Variants in NEK1 observed in about 807,000 individuals in gnomAD.
The protein encoded by NEK1 is NIMA related kinase 1, also known as serine/threonine-protein kinase Nek1.
Under a neutral mutation model 182.1 loss-of-function variants are expected in NEK1, and 137 were observed. The ratio of observed to expected loss-of-function variants is 0.75; its 90% CI spans 0.65 to 0.87. The LOEUF is 0.87. Ranked by LOEUF, NEK1 falls within the 40% of genes least tolerant of loss-of-function variation. NEK1 has a pLI of 0.00. For synonymous variants in NEK1, 513 were observed against 492.2 expected (o/e 1.04, Z -0.56); for missense variants, 1,391 against 1,494.4 (o/e 0.93, Z 1.14).
chr4:169,477,527 G>A (rs1187908988), intron 24 of NEK1, 30 bp from the exon 25 acceptor site: 2 of 1,498,028 alleles, frequency 1.3e-6, no homozygotes, highest in South Asian at 1.3e-5. Flanking sequence ...CAGAGGAAGA[G>A]ATAATTTTAT....
Position 169,507,792 on chromosome 4 carries a change from T to C in NEK1, c.1834A>G (p.Lys612Glu). 1 of 1,611,364 alleles carries C rather than the reference T, an allele frequency of 6.2e-7. No individual in the cohort carries two copies. Among genetic ancestry groups the C allele is most frequent in the Non-Finnish European group, 8.5e-7 (1 of 1,178,054 alleles). The change falls in exon 22 of 36, where the codon AAA becomes GAA. Residue 612 changes from lysine to glutamate, a missense_variant and splice_region_variant. Coordinates refer to ENST00000507142, the MANE Select transcript of NEK1 (RefSeq NM_001199397.3). The part of the protein sequence containing the change: ...QIKAKLRGEK[K>E]EANHSEGQEG... ...TGTCCTTCAGAATGATTAGCTTCTT[T>C]CTACAAAATAAGTAGATAAGCAAAT...
chr4:169,437,712 C>T (rs780678607), intron 28 of NEK1, among the ~76,000 whole-genome samples: 5 of 152,182 alleles, frequency 3.3e-5, no homozygotes, highest in Non-Finnish European at 7.3e-5. Flanking sequence ...CCCAGCTAAG[C>T]TGTACTTGCC....
chr4:169,590,956 A>G, intron 5 of NEK1, 147 bp from the exon 6 acceptor site: 1 of 602,168 alleles, frequency 1.7e-6, no homozygotes, highest in Admixed American at 2.9e-5. Context: ...TTAAATAGAT[A>G]TTCAAGTCAA....
At position 169,481,662 on chromosome 4, in the gene NEK1, A is replaced by C. The variant is rs184130743; in HGVS notation, c.2008-2128T>G. Among the ~76,000 whole-genome samples, 923 of 152,278 alleles carry C rather than the reference A, an allele frequency of 6.1e-3. 5 individuals are homozygous for C. Among genetic ancestry groups the C allele is most frequent in the Non-Finnish European group, 7.7e-3 (525 of 68,034 alleles). ...ATATTTACAGCAAACCGTGCTGTTAACAGATGTGCAGTCATCCAGGCTTTA... is the reference window on the plus strand; with the variant it reads ...ATATTTACAGCAAACCGTGCTGTTACCAGATGTGCAGTCATCCAGGCTTTA... On this transcript the variant is annotated intron_variant, in intron 23 of 35. Coordinates refer to ENST00000507142, the MANE Select transcript of NEK1 (RefSeq NM_001199397.3).
At chr4:169,506,459 T>A (rs930526743) in intron 23 of NEK1, among the ~76,000 whole-genome samples, 4 of 152,060 alleles carry the variant, frequency 2.6e-5, no homozygotes, top group Admixed American at 2.0e-4. Flanking sequence ...TTAAAAATTT[T>A]AAAATAAAGT....
intron 19 of NEK1, among the ~76,000 whole-genome samples, chr4:169,530,082 T>C (rs904209366): frequency 1.3e-5 from 2 of 152,198 alleles, no homozygotes; most frequent in Non-Finnish European, 2.9e-5. Context: ...AACAGCTCTA[T>C]TCATAATTAC....
intron 16 of NEK1, among the ~76,000 whole-genome samples, chr4:169,560,851 T>C (rs946818131): frequency 6.6e-6 from 1 of 151,758 alleles, no homozygotes; most frequent in African/African-American, 2.4e-5. Flanking sequence ...CAAGGTTAAA[T>C]AGGGTGGATC....
chr4:169,412,985 T>A (rs1300768717), intron 31 of NEK1, among the ~76,000 whole-genome samples: 1 of 151,948 alleles, frequency 6.6e-6, no homozygotes, highest in East Asian at 1.9e-4. Context: ...TTGATGGAGT[T>A]CACTTAATGA....
chr4:169,453,299 T>C (rs977511218), intron 27 of NEK1, among the ~76,000 whole-genome samples: 2 of 152,164 alleles, frequency 1.3e-5, no homozygotes, highest in African/African-American at 4.8e-5. Context: ...CTTCACAGAA[T>C]TGGAAAAAAC....
chr4:169,482,329 C>T (rs986172569), intron 23 of NEK1, among the ~76,000 whole-genome samples: 2 of 152,018 alleles, frequency 1.3e-5, no homozygotes, highest in Non-Finnish European at 2.9e-5. Flanking sequence ...GCTCTGTCAC[C>T]CAGGCTGGAG....
intron 31 of NEK1, among the ~76,000 whole-genome samples, chr4:169,418,924 C>T (rs1296360920): frequency 6.6e-6 from 1 of 152,054 alleles, no homozygotes; most frequent in Admixed American, 6.6e-5. Flanking sequence ...AACACACACA[C>T]ATTACAGACC....
chr4:169,495,089 T>G (rs112241816), intron 23 of NEK1, among the ~76,000 whole-genome samples: 66 of 152,122 alleles, frequency 4.3e-4, no homozygotes, highest in South Asian at 1.2e-3. Context: ...AAGCTCTTTA[T>G]TTTAATTAGA....
At chr4:169,511,209 G>T (rs1754119707) in intron 19 of NEK1, among the ~76,000 whole-genome samples, 1 of 152,102 alleles carries the variant, frequency 6.6e-6, no homozygotes, top group African/African-American at 2.4e-5. Context: ...GCATGACAAA[G>T]CACCTTTACT....
At position 169,430,050 on chromosome 4, in the gene NEK1, G is replaced by A. The variant is rs768486432; in HGVS notation, c.2885+3495C>T. Among the ~76,000 whole-genome samples the A allele has an allele frequency of 4.6e-5, 7 of 151,958 alleles. No individual in the cohort carries two copies. The South Asian group carries it at 1.5e-3, about 32-fold the overall frequency. On this transcript the variant is annotated intron_variant, in intron 29 of 35. Coordinates refer to ENST00000507142, the MANE Select transcript of NEK1 (RefSeq NM_001199397.3). ...ATTAAATAGGTTATCTTTTTATGTT[G>A]ATTAGAAATCTTTACCATTTATTAA...
chr4:169,404,561 G>C (rs9995713), intron 32 of NEK1, among the ~76,000 whole-genome samples: 54,810 of 151,854 alleles, frequency 0.36, 10,305 homozygotes, highest in South Asian at 0.46. Context: ...GTAAAAAGCA[G>C]AAACAAGTTC....
At chr4:169,579,279 A>G (rs1659721663) in intron 11 of NEK1, among the ~76,000 whole-genome samples, 1 of 152,210 alleles carries the variant, frequency 6.6e-6, no homozygotes, top group South Asian at 2.1e-4. Context: ...ATTACTTTCT[A>G]ATTCCTATAT....
intron 27 of NEK1, among the ~76,000 whole-genome samples, chr4:169,463,039 AT>A (rs1485320348): frequency 6.6e-6 from 1 of 152,040 alleles, no homozygotes; most frequent in East Asian, 1.9e-4. Context: ...TTTAGATCCC[AT>A]CCAGGTCTAT....
rs1735882529 is a variant in NEK1 at position 169,423,748 on chromosome 4, TACA to T, written c.3222+802_3222+804del. 3.9e-5 allele frequency among the ~76,000 whole-genome samples: 6 copies of T among 152,204 alleles called. No individual in the cohort carries two copies. The South Asian group carries it at 1.2e-3, about 32-fold the overall frequency. ...TATGTACAAAGATAAGAGGTGTGAT[TACA>T]ACAACAAAAATTACAGCGGAAAGGC... On this transcript the variant is annotated intron_variant, in intron 31 of 35. Coordinates refer to ENST00000507142, the MANE Select transcript of NEK1 (RefSeq NM_001199397.3).
At chr4:169,475,244 A>G (rs887800655) in intron 26 of NEK1, among the ~76,000 whole-genome samples, 1 of 152,148 alleles carries the variant, frequency 6.6e-6, no homozygotes, top group African/African-American at 2.4e-5. Flanking sequence ...AAACTACCCA[A>G]GTTAGGAAAA....
Sources: allele counts gnomAD v4.1 joint callset (sites outside exome capture counted in the v4.1 genomes callset), GRCh38; gene constraint gnomAD v4.1.1; transcripts MANE v1.5; gene names NCBI Gene and HGNC (gene_info 2026-07-23, HGNC 2026-07-21).